MAPK8: variants seen among roughly 807,000 people sequenced by gnomAD.
MAPK8 encodes the protein JUN N-terminal kinase.
A neutral mutation model predicts 52.9 loss-of-function variants in MAPK8; 13 were observed. The observed-to-expected ratio is 0.25, with a 90% confidence interval of 0.16 to 0.39. The LOEUF (loss-of-function observed/expected upper bound fraction) is 0.39. MAPK8 is among the 10% of genes least tolerant of loss of function. The pLI is 1.00. For synonymous variants in MAPK8, 191 were observed against 169.8 expected (o/e 1.12, Z -0.97); for missense variants, 300 against 519.2 (o/e 0.58, Z 4.10).
intron 1 of MAPK8, among the ~76,000 whole-genome samples, chr10:48,400,498 A>G (rs2042106005): frequency 6.6e-6 from 1 of 152,210 alleles, no homozygotes; most frequent in Non-Finnish European, 1.5e-5. Context: ...TTTCTCCTGC[A>G]GTACAATCTA....
chr10:48,430,928 TA>T (rs964194282), intron 10 of MAPK8: 1 of 462,000 alleles, frequency 2.2e-6, no homozygotes, highest in African/African-American at 2.0e-5. Context: ...AGAAAGCTTC[TA>T]CCCCAGCACT....
intron 6 of MAPK8, among the ~76,000 whole-genome samples, chr10:48,422,884 G>C (rs1259635191): frequency 6.6e-6 from 1 of 152,058 alleles, no homozygotes; most frequent in Non-Finnish European, 1.5e-5. Flanking sequence ...CTTTTAATAA[G>C]AATGTACTGT....
intron 1 of MAPK8, among the ~76,000 whole-genome samples, chr10:48,353,622 T>TAA (rs1254053414): frequency 6.6e-6 from 1 of 151,970 alleles, no homozygotes; most frequent in Non-Finnish European, 1.5e-5. Flanking sequence ...CCATAAAACT[T>TAA]AAAACATGGA....
intron 1 of MAPK8, among the ~76,000 whole-genome samples, chr10:48,359,678 C>T (rs537005702): frequency 1.3e-5 from 2 of 152,116 alleles, no homozygotes; most frequent in South Asian, 4.2e-4. Context: ...GAAAGGGCTT[C>T]AATGACTTGT....
chr10:48,324,503 G>GTTTTTTTTTTTTTTTTTTTTTTTTTTT (rs370766776), intron 1 of MAPK8, among the ~76,000 whole-genome samples: 5 of 118,010 alleles, frequency 4.2e-5, no homozygotes, highest in Non-Finnish European at 6.7e-5. Flanking sequence ...CTGTTTTCTA[G>GTTTTTTTTTTTTTTTTTTTTTTTTTTT]TTTTTTTTTT....
chr10:48,350,357 C>G (rs1306716761), intron 1 of MAPK8, among the ~76,000 whole-genome samples: 1 of 152,124 alleles, frequency 6.6e-6, no homozygotes, highest in Non-Finnish European at 1.5e-5. Flanking sequence ...AACATTGATG[C>G]GAAAATCCTC....
chr10:48,383,943 G>A (rs1001049642), intron 1 of MAPK8, among the ~76,000 whole-genome samples: 1 of 152,204 alleles, frequency 6.6e-6, no homozygotes, highest in African/African-American at 2.4e-5. Flanking sequence ...GAAGAAGGAT[G>A]TAGGTAAAAG....
chr10:48,374,978 G>A (rs977106615), intron 1 of MAPK8, among the ~76,000 whole-genome samples: 1 of 152,010 alleles, frequency 6.6e-6, no homozygotes, highest in Non-Finnish European at 1.5e-5. Flanking sequence ...ACATTGATGT[G>A]AAAATCCTCA....
intron 1 of MAPK8, among the ~76,000 whole-genome samples, chr10:48,356,959 A>C (rs989752925): frequency 6.6e-6 from 1 of 150,916 alleles, no homozygotes; most frequent in Non-Finnish European, 1.5e-5. Flanking sequence ...AAAAAGATAT[A>C]TCGTGCAAAT....
intron 1 of MAPK8, among the ~76,000 whole-genome samples, chr10:48,397,446 A>G (rs1331851645): frequency 1.3e-5 from 2 of 152,068 alleles, no homozygotes; most frequent in Admixed American, 1.3e-4. Flanking sequence ...ATGAGCCACT[A>G]CTACTAACCT....
In MAPK8 at chr10:48,340,929, C is replaced by T. The variant is rs1845194802; in HGVS notation, c.-50+34108C>T. 2.0e-5 allele frequency among the ~76,000 whole-genome samples: 3 copies of T among 152,180 alleles called. No homozygotes were observed. In the South Asian group the frequency reaches 6.2e-4, roughly 32 times the overall value. On this transcript the variant is annotated intron_variant, in intron 1 of 11. Coordinates refer to ENST00000374189, the MANE Select transcript of MAPK8 (RefSeq NM_001323329.2). Reference sequence around the variant, plus strand: ...ACTGTGTTTGGTGTGACCCTTTCTGCACAGTGTTCTGGAAAGAGCCTCCTG... The same window carrying T: ...ACTGTGTTTGGTGTGACCCTTTCTGTACAGTGTTCTGGAAAGAGCCTCCTG...
chr10:48,399,273 G>A (rs1181442176), intron 1 of MAPK8, among the ~76,000 whole-genome samples: 1 of 152,200 alleles, frequency 6.6e-6, no homozygotes, highest in African/African-American at 2.4e-5. Context: ...TTACCATCTT[G>A]TTAACAGTAC....
At chr10:48,429,121 C>T (rs1361665150) in intron 10 of MAPK8, among the ~76,000 whole-genome samples, 1 of 151,708 alleles carries the variant, frequency 6.6e-6, no homozygotes, top group Non-Finnish European at 1.5e-5. Context: ...CTGCGCCCAG[C>T]CTAATTTTTA....
chr10:48,394,771 T>C (rs2041808082), intron 1 of MAPK8, among the ~76,000 whole-genome samples: 3 of 151,600 alleles, frequency 2.0e-5, no homozygotes, highest in Admixed American at 2.0e-4. Context: ...AAATTGGAAA[T>C]GAAAAAATAA....
At chr10:48,401,899 AAAAATT>A (rs1377614930) in intron 2 of MAPK8, 117 bp downstream of exon 2, 1 of 851,514 alleles carries the variant, frequency 1.2e-6, no homozygotes, top group Non-Finnish European at 1.7e-6. Flanking sequence ...AATTAAAACT[AAAAATT>A]AAACGAAAAC....
At chr10:48,322,328 T>G (rs1256106205) in intron 1 of MAPK8, among the ~76,000 whole-genome samples, 2 of 142,926 alleles carry the variant, frequency 1.4e-5, no homozygotes, top group Middle Eastern at 3.7e-3. Context: ...AAAAAAAAAC[T>G]TTTTTGAATA....
chr10:48,331,213 G>T (rs548066382), intron 1 of MAPK8, among the ~76,000 whole-genome samples: 1 of 152,136 alleles, frequency 6.6e-6, no homozygotes, highest in East Asian at 1.9e-4. Flanking sequence ...ATCTGCCTGC[G>T]AGAGCTATCC....
intron 1 of MAPK8, among the ~76,000 whole-genome samples, chr10:48,370,268 C>T (rs1404937702): frequency 2.0e-5 from 3 of 152,014 alleles, no homozygotes; most frequent in Non-Finnish European, 4.4e-5. Context: ...ACTTAGGGAA[C>T]AGGAGGACAG....
At chr10:48,398,411 T>TA (rs2041995884) in intron 1 of MAPK8, among the ~76,000 whole-genome samples, 1 of 152,196 alleles carries the variant, frequency 6.6e-6, no homozygotes, top group African/African-American at 2.4e-5. Flanking sequence ...CACCATGAAA[T>TA]ACCACTGTAC....
Sources: allele counts gnomAD v4.1 joint callset (sites outside exome capture counted in the v4.1 genomes callset), GRCh38; gene constraint gnomAD v4.1.1; transcripts MANE v1.5; gene names NCBI Gene and HGNC (gene_info 2026-07-23, HGNC 2026-07-21).